EXOC4: variants seen among roughly 807,000 people sequenced by gnomAD.
EXOC4 encodes the protein SEC8-like 1.
In EXOC4, 71 loss-of-function variants were observed where a neutral mutation model predicts 107.2. That is an observed-to-expected ratio of 0.66 (90% CI 0.55 to 0.81). The LOEUF is 0.81. Ranked by LOEUF, EXOC4 falls within the 30% of genes least tolerant of loss-of-function variation. The pLI is 0.00. For synonymous variants in EXOC4, 456 were observed against 441.2 expected (o/e 1.03, Z -0.42); for missense variants, 1,108 against 1,189.6 (o/e 0.93, Z 1.01).
At chr7:133,317,462 T>G in intron 5 of EXOC4, 72 bp downstream of exon 5, 1 of 1,087,718 alleles carries the variant, frequency 9.2e-7, no homozygotes, top group South Asian at 1.4e-5. Context: ...CTGGAGGAGC[T>G]TTTTGGGGGC....
intron 10 of EXOC4, among the ~76,000 whole-genome samples, chr7:133,741,510 A>C (rs935050726): frequency 6.6e-6 from 1 of 152,106 alleles, no homozygotes; most frequent in East Asian, 1.9e-4. Context: ...GTTTCTCTCC[A>C]CTAGGCAAAG....
intron 9 of EXOC4, among the ~76,000 whole-genome samples, chr7:133,521,151 G>A (rs1799970863): frequency 6.6e-6 from 1 of 151,970 alleles, no homozygotes; most frequent in Admixed American, 6.6e-5. Context: ...TTATTGTATC[G>A]AATACACTTA....
At chr7:133,465,301 C>T (rs1798701078) in intron 7 of EXOC4, among the ~76,000 whole-genome samples, 1 of 152,126 alleles carries the variant, frequency 6.6e-6, no homozygotes, top group Non-Finnish European at 1.5e-5. Flanking sequence ...CATTTTTGTG[C>T]CATCCCCTAG....
chr7:133,401,665 GAAAA>G (rs1027295477), intron 7 of EXOC4, among the ~76,000 whole-genome samples: 1 of 142,482 alleles, frequency 7.0e-6, no homozygotes, highest in Non-Finnish European at 1.5e-5. Context: ...AAAAAAAAAA[GAAAA>G]AAAAGATAAA....
At chr7:133,881,699 T>G (rs1232418131) in intron 11 of EXOC4, among the ~76,000 whole-genome samples, 1 of 152,208 alleles carries the variant, frequency 6.6e-6, no homozygotes. Context: ...TATTTATATA[T>G]TTAATCAATT....
Position 133,480,147 on chromosome 7 carries a change from T to G in EXOC4, c.1417+9T>G, listed in dbSNP as rs147483176. The G allele has an allele frequency of 1.5e-5, 25 of 1,613,418 alleles. No individual in the cohort carries two copies. The highest frequency in any genetic ancestry group is 1.7e-4 in the Middle Eastern group (1 of 5,998). On this transcript the variant is annotated intron_variant, in intron 9 of 17. Coordinates refer to ENST00000253861, the MANE Select transcript of EXOC4 (RefSeq NM_021807.4). ...GAGTGGAGAACTGCAAGGTGAGTGA[T>G]TGAGCTTCTCTGGAAAAATTAATTT...
intron 9 of EXOC4, among the ~76,000 whole-genome samples, chr7:133,629,280 G>C (rs1340680177): frequency 6.6e-6 from 1 of 152,000 alleles, no homozygotes; most frequent in Non-Finnish European, 1.5e-5. Flanking sequence ...ATATGATAAA[G>C]TGTGATCAGT....
chr7:133,547,621 A>G (rs1048908355), intron 9 of EXOC4, among the ~76,000 whole-genome samples: 2 of 152,168 alleles, frequency 1.3e-5, no homozygotes, highest in Non-Finnish European at 2.9e-5. Flanking sequence ...ATAATTCTAA[A>G]TCCTTTGTTG....
At chr7:133,764,268 T>C (rs1427105739) in intron 10 of EXOC4, among the ~76,000 whole-genome samples, 1 of 152,080 alleles carries the variant, frequency 6.6e-6, no homozygotes, top group Admixed American at 6.6e-5. Context: ...GCAAACTTTT[T>C]CAAGAAGTGC....
intron 7 of EXOC4, among the ~76,000 whole-genome samples, chr7:133,451,723 C>G (rs1798352415): frequency 6.6e-6 from 1 of 152,134 alleles, no homozygotes; most frequent in South Asian, 2.1e-4. Context: ...CCCAGCTGAA[C>G]TGCCTTCCTA....
chr7:133,947,811 A>T (rs532753287), intron 14 of EXOC4, among the ~76,000 whole-genome samples: 25 of 152,350 alleles, frequency 1.6e-4, no homozygotes, highest in Admixed American at 3.3e-4. Flanking sequence ...GAAATATTTT[A>T]TTAAAATATG....
At chr7:133,632,608 TTTAGTTTTTGTAA>T (rs1366051632) in intron 10 of EXOC4, among the ~76,000 whole-genome samples, 1 of 152,148 alleles carries the variant, frequency 6.6e-6, no homozygotes, top group African/African-American at 2.4e-5. Flanking sequence ...AGTTCAGAAG[TTTAGTTTTTGTAA>T]TGAAACGAAC....
chr7:133,446,193 C>T (rs1160859836), intron 7 of EXOC4, among the ~76,000 whole-genome samples: 1 of 152,138 alleles, frequency 6.6e-6, no homozygotes, highest in Non-Finnish European at 1.5e-5. Context: ...TCAGTATTCT[C>T]TGTGCTTGTA....
At chr7:133,269,095 C>T (rs1338578336) in intron 1 of EXOC4, among the ~76,000 whole-genome samples, 1 of 152,074 alleles carries the variant, frequency 6.6e-6, no homozygotes, top group Non-Finnish European at 1.5e-5. Context: ...AACTTTATGC[C>T]ATTTGTCCTT....
At chr7:133,923,827 A>G (rs1325611771) in intron 13 of EXOC4, among the ~76,000 whole-genome samples, 1 of 152,216 alleles carries the variant, frequency 6.6e-6, no homozygotes, top group Non-Finnish European at 1.5e-5. Context: ...TCTATGATTT[A>G]CCAAAGTCAC....
intron 7 of EXOC4, among the ~76,000 whole-genome samples, chr7:133,427,289 C>T (rs1797748383): frequency 6.6e-6 from 1 of 152,002 alleles, no homozygotes; most frequent in Admixed American, 6.6e-5. Flanking sequence ...TAGGGTGATC[C>T]ACAGCTCTAC....
chr7:133,446,698 A>G (rs1344855267), intron 7 of EXOC4, among the ~76,000 whole-genome samples: 1 of 152,262 alleles, frequency 6.6e-6, no homozygotes, highest in Non-Finnish European at 1.5e-5. Flanking sequence ...TGTTTTATAA[A>G]GTATCAAAAA....
At chr7:133,975,356 A>G (rs1986870) in intron 14 of EXOC4, among the ~76,000 whole-genome samples, 106,102 of 151,882 alleles carry the variant, frequency 0.7, 37,465 homozygotes, top group East Asian at 0.91. Flanking sequence ...ATAAGTTCTT[A>G]ACTCATCTTT....
At chr7:133,695,455 A>G (rs779682285) in intron 10 of EXOC4, among the ~76,000 whole-genome samples, 4 of 152,050 alleles carry the variant, frequency 2.6e-5, no homozygotes, top group Admixed American at 6.6e-5. Flanking sequence ...TATCTTTGAT[A>G]TATTGATTTT....
Sources: allele counts gnomAD v4.1 joint callset (sites outside exome capture counted in the v4.1 genomes callset), GRCh38; gene constraint gnomAD v4.1.1; transcripts MANE v1.5; gene names NCBI Gene and HGNC (gene_info 2026-07-23, HGNC 2026-07-21).